SIN3A: variants seen among roughly 807,000 people sequenced by gnomAD.
SIN3A encodes SIN3 transcription regulator family member A.
In SIN3A, 14 loss-of-function variants were observed where a neutral mutation model predicts 146.1. That is an observed-to-expected ratio of 0.10 (90% confidence interval 0.06 to 0.15). The LOEUF is 0.15. Ranked by LOEUF, SIN3A falls within the 10% of genes least tolerant of loss-of-function variation. The pLI, the probability that SIN3A is intolerant of heterozygous loss-of-function variation, is 1.00. For synonymous variants in SIN3A, 572 were observed against 572.0 expected (o/e 1.00, Z 0.00); for missense variants, 1,028 against 1,576.0 (o/e 0.65, Z 5.89).
chr15:75,389,769 G>A lies in SIN3A; in HGVS notation c.2904C>T (p.Ser968=), dbSNP rs757682180. ...ATGAGTCTATGTTGCCATCCAGCAG[G>A]CTCCGCACCATGTCCAGGAAAGCTG... ...YYPAFLDMVR[S]LLDGNIDSSQ... The change falls in exon 16 of 21, where the codon AGC becomes AGT. Residue 968 remains serine (S), a synonymous_variant. Coordinates refer to ENST00000394947, the MANE Select transcript of SIN3A (RefSeq NM_001145358.2). 14 of 1,613,930 alleles carry A rather than the reference G, an allele frequency of 8.7e-6. No homozygotes were observed. In the African/African-American group the frequency reaches 1.6e-4, roughly 18 times the overall value.
intron 1 of SIN3A, 155 bp downstream of exon 1, chr15:75,451,268 G>GC (rs1336662227): frequency 3.2e-5 from 2 of 61,578 alleles, no homozygotes; most frequent in Non-Finnish European, 6.0e-5. Context: ...ACCCCGCTCC[G>GC]CCCCCCACCC....
chr15:75,385,006 T>C (rs1242253989), intron 16 of SIN3A, among the ~76,000 whole-genome samples: 3 of 152,050 alleles, frequency 2.0e-5, no homozygotes, highest in Non-Finnish European at 4.4e-5. Flanking sequence ...AAACCCCATC[T>C]CTACTAAAAA....
At position 75,392,267 on chromosome 15, in the gene SIN3A, G is replaced by C; in HGVS notation, c.2826C>G (p.Ala942=). 1 of 1,613,738 alleles carries C rather than the reference G, an allele frequency of 6.2e-7. No homozygotes were observed. Among genetic ancestry groups the C allele is most frequent in the Non-Finnish European group, 8.5e-7 (1 of 1,179,648 alleles). ...GIKRDKSDSP[A]IQLRLKEPMD... ...TAGGTTCTTTGAGACGTAGCTGAAT[G>C]GCAGGGCTGTCACTCTTGTCTCGCT... Residue 942 remains alanine, a synonymous_variant, in exon 15 of 21, where the codon GCC becomes GCG. Coordinates refer to ENST00000394947, the MANE Select transcript of SIN3A (RefSeq NM_001145358.2).
rs982995156 is a variant in SIN3A, at chr15:75,371,961, T to C, written c.*18A>G. On this transcript the variant is annotated 3_prime_UTR_variant, in exon 21 of 21. Coordinates refer to ENST00000394947, the MANE Select transcript of SIN3A (RefSeq NM_001145358.2). Reference sequence around the variant, plus strand: ...ACATCCCCACACACACCCCAAGTTATCTGCTCTGGCTTTGCAGTTAAGGGG... The same window carrying C: ...ACATCCCCACACACACCCCAAGTTACCTGCTCTGGCTTTGCAGTTAAGGGG... 6.2e-7 allele frequency: 1 copy of C among 1,607,144 alleles called. No homozygotes were observed. Among genetic ancestry groups the C allele is most frequent in the Admixed American group, 1.7e-5 (1 of 59,992 alleles).
intron 8 of SIN3A, among the ~76,000 whole-genome samples, chr15:75,408,396 G>C (rs992037051): frequency 3.3e-5 from 5 of 152,180 alleles, no homozygotes; most frequent in Admixed American, 6.5e-5. Flanking sequence ...GTAACACCTA[G>C]TACGTCAGAC....
At chr15:75,409,054 A>AT (rs764633187) in intron 8 of SIN3A, among the ~76,000 whole-genome samples, 3 of 152,120 alleles carry the variant, frequency 2.0e-5, no homozygotes, top group Non-Finnish European at 4.4e-5. Flanking sequence ...AAATGCAAAA[A>AT]TTAGCTGGGC....
chr15:75,384,657 T>C (rs894094630), intron 16 of SIN3A, among the ~76,000 whole-genome samples: 6 of 152,160 alleles, frequency 3.9e-5, no homozygotes, highest in African/African-American at 1.2e-4. Flanking sequence ...CAGTGGTCCA[T>C]GGTAAAACTT....
intron 8 of SIN3A, among the ~76,000 whole-genome samples, chr15:75,408,347 A>AT (rs1484137647): frequency 6.6e-6 from 1 of 152,260 alleles, no homozygotes; most frequent in Non-Finnish European, 1.5e-5. Context: ...AGAAGAAACC[A>AT]TGACAAACAC....
intron 16 of SIN3A, among the ~76,000 whole-genome samples, chr15:75,386,303 C>T (rs2073076805): frequency 6.6e-6 from 1 of 152,228 alleles, no homozygotes; most frequent in East Asian, 1.9e-4. Flanking sequence ...GCTGGGATTA[C>T]AGGCGTGAGC....
chr15:75,413,856 T>C (rs1258366383), intron 4 of SIN3A, among the ~76,000 whole-genome samples: 1 of 152,200 alleles, frequency 6.6e-6, no homozygotes, highest in Non-Finnish European at 1.5e-5. Context: ...TCAGCACACA[T>C]CTACATTGTT....
chr15:75,429,818 A>G (rs2073984843), intron 2 of SIN3A, among the ~76,000 whole-genome samples: 1 of 152,238 alleles, frequency 6.6e-6, no homozygotes, highest in Non-Finnish European at 1.5e-5. Flanking sequence ...GGTTTTTAAA[A>G]CAAAGTGAGT....
At chr15:75,415,926 C>T in intron 3 of SIN3A, 1 of 303,926 alleles carries the variant, frequency 3.3e-6, no homozygotes, top group Admixed American at 3.6e-5. Flanking sequence ...AAGGAAAATG[C>T]TGACACTGGC....
chr15:75,434,815 G>A (rs2141588754), intron 1 of SIN3A, among the ~76,000 whole-genome samples: 1 of 151,398 alleles, frequency 6.6e-6, no homozygotes, highest in East Asian at 1.9e-4. Context: ...GGGCATGGTG[G>A]TGCATGCCTG....
At chr15:75,436,058 T>C (rs1379982762) in intron 1 of SIN3A, among the ~76,000 whole-genome samples, 3 of 150,942 alleles carry the variant, frequency 2.0e-5, no homozygotes, top group Non-Finnish European at 2.9e-5. Context: ...CCTCAGAAGT[T>C]GAGGCTGCAA....
intron 16 of SIN3A, among the ~76,000 whole-genome samples, chr15:75,389,411 G>A (rs2073155453): frequency 6.6e-6 from 1 of 152,124 alleles, no homozygotes; most frequent in South Asian, 2.1e-4. Flanking sequence ...AGGAAGCTGG[G>A]GTCAGGACCA....
intron 13 of SIN3A, among the ~76,000 whole-genome samples, chr15:75,395,557 C>G (rs140381506): frequency 2.1e-4 from 32 of 152,200 alleles, no homozygotes; most frequent in African/African-American, 7.2e-4. Flanking sequence ...CCAGATGATA[C>G]TGAGAGAGAA....
intron 6 of SIN3A, among the ~76,000 whole-genome samples, chr15:75,410,906 T>C (rs1287108032): frequency 2.2e-5 from 3 of 133,532 alleles, no homozygotes; most frequent in African/African-American, 8.8e-5. Flanking sequence ...ACCCGGGAGG[T>C]AGAGGCTGCA....
chr15:75,430,307 G>A lies in SIN3A; in HGVS notation c.69C>T (p.Ser23=). ...YAAQQRRIPG[S]TEAFPHQHRV... is the part of the protein sequence containing the mutation. Reference sequence around the variant, plus strand: ...GGTGCTGGTGAGGAAAAGCCTCTGTGCTGCCAGGGATCCGACGCTGCTGGG... The same window carrying A: ...GGTGCTGGTGAGGAAAAGCCTCTGTACTGCCAGGGATCCGACGCTGCTGGG... Residue 23 remains serine (S), a synonymous_variant, in exon 2 of 21, where the codon AGC becomes AGT. Coordinates refer to ENST00000394947, the MANE Select transcript of SIN3A (RefSeq NM_001145358.2). The A allele has an allele frequency of 6.2e-7, 1 of 1,614,126 alleles. No individual in the cohort carries two copies. The highest frequency in any genetic ancestry group is 8.5e-7 in the Non-Finnish European group (1 of 1,180,022).
intron 1 of SIN3A, among the ~76,000 whole-genome samples, chr15:75,439,092 T>C (rs2074155272): frequency 6.6e-6 from 1 of 152,236 alleles, no homozygotes; most frequent in African/African-American, 2.4e-5. Context: ...ATTCTTCTAA[T>C]GCAGTGGTCC....
Sources: allele counts gnomAD v4.1 joint callset (sites outside exome capture counted in the v4.1 genomes callset), GRCh38; gene constraint gnomAD v4.1.1; transcripts MANE v1.5; gene names NCBI Gene and HGNC (gene_info 2026-07-23, HGNC 2026-07-21).